DAB1: variants seen among roughly 807,000 people sequenced by gnomAD.
DAB1 encodes the protein disabled homolog 1.
A neutral mutation model predicts 64.6 loss-of-function variants in DAB1; 15 were observed. That is an observed-to-expected ratio of 0.23 (90% confidence interval 0.16 to 0.36). The LOEUF (loss-of-function observed/expected upper bound fraction) is 0.36, where lower values mean the gene tolerates loss of function less well. Ranked by LOEUF, DAB1 falls within the 10% of genes least tolerant of loss-of-function variation. DAB1 has a pLI of 1.00. For synonymous variants in DAB1, 235 were observed against 251.9 expected, an observed-to-expected ratio of 0.93 and a Z score of 0.64; for missense variants, 596 against 706.7, an observed-to-expected ratio of 0.84 and a Z score of 1.78.
At chr1:57,216,143 G>A (rs1055085598) in intron 2 of DAB1, among the ~76,000 whole-genome samples, 1 of 151,910 alleles carries the variant, frequency 6.6e-6, no homozygotes, top group African/African-American at 2.4e-5. Context: ...ACAAATCATG[G>A]CCTTTAAAAA....
chr1:57,036,428 T>A (rs1046621476), intron 9 of DAB1, among the ~76,000 whole-genome samples: 3 of 152,158 alleles, frequency 2.0e-5, no homozygotes, highest in Non-Finnish European at 4.4e-5. Context: ...AGCTACCTGT[T>A]TGGGGCAACC....
At position 57,739,754 on chromosome 1, in the gene DAB1, C is replaced by T. The variant is rs113321933; in HGVS notation, n.552-90089G>A. On this transcript the variant is annotated intron_variant and non_coding_transcript_variant, in intron 6 of 20. Transcript: ENST00000485760. The stretch of plus-strand genomic sequence containing the variant: ...AGAGGTGAGCCACCACACCCACCTA[C>T]TTAACAGTTTTTCAAATGACACAAT... Among the ~76,000 whole-genome samples, 789 of 151,580 alleles carry T rather than the reference C, an allele frequency of 5.2e-3. 9 individuals are homozygous for T. The highest frequency in any genetic ancestry group is 0.018 in the African/African-American group (751 of 41,340).
At chr1:57,478,651 G>T (rs1224867089) in intron 7 of DAB1, among the ~76,000 whole-genome samples, 1 of 129,264 alleles carries the variant, frequency 7.7e-6, no homozygotes, top group Non-Finnish European at 1.6e-5. Flanking sequence ...GAGGTGCAAT[G>T]GCATGATCTC....
chr1:58,376,337 C>T (rs1644325660), intron 3 of DAB1, among the ~76,000 whole-genome samples: 1 of 138,860 alleles, frequency 7.2e-6, no homozygotes, highest in Non-Finnish European at 1.6e-5. Flanking sequence ...TTTCCCTCTA[C>T]ACACTGCTTT....
rs558788149 is a variant in DAB1 at position 58,383,618 on chromosome 1, A to C, written n.258-40215T>G. ...TTCAGTACAGTATCTGACACATGAC[A>C]CTCAATAATATAGTTGTTGCTATTA... On this transcript the variant is annotated intron_variant and non_coding_transcript_variant, in intron 3 of 20. Coordinates refer to the DAB1 transcript ENST00000485760. 7.9e-3 allele frequency among the ~76,000 whole-genome samples: 108 copies of C among 13,626 alleles called. 1 individual carries two copies. In the Middle Eastern group the frequency reaches 0.21, roughly 26 times the overall value. 8.9% of individuals were successfully genotyped at this position (13,626 alleles called of 152,430 possible).
intron 7 of DAB1, among the ~76,000 whole-genome samples, chr1:57,485,705 T>A (rs1415845348): frequency 6.6e-6 from 1 of 152,166 alleles, no homozygotes; most frequent in Non-Finnish European, 1.5e-5. Flanking sequence ...AAATGCTAAC[T>A]TCAAACCCAG....
At chr1:58,477,418 G>A (rs1038729885) in intron 3 of DAB1, among the ~76,000 whole-genome samples, 11 of 152,000 alleles carry the variant, frequency 7.2e-5, no homozygotes, top group Non-Finnish European at 1.3e-4. Context: ...TTCTAGTTCT[G>A]CCACTTACTT....
At chr1:57,922,340 T>C (rs1289104314) in intron 5 of DAB1, among the ~76,000 whole-genome samples, 1 of 150,250 alleles carries the variant, frequency 6.7e-6, no homozygotes, top group Non-Finnish European at 1.5e-5. Flanking sequence ...AAATGAAGGA[T>C]GTGTAGAAGA....
chr1:58,405,956 C>G (rs1644612811), intron 3 of DAB1, among the ~76,000 whole-genome samples: 1 of 152,168 alleles, frequency 6.6e-6, no homozygotes, highest in South Asian at 2.1e-4. Flanking sequence ...CATCCCTGAA[C>G]CAGAGCCTCA....
intron 7 of DAB1, among the ~76,000 whole-genome samples, chr1:57,619,043 G>A (rs12090770): frequency 0.013 from 2,011 of 152,312 alleles, 41 homozygotes; most frequent in African/African-American, 0.046. Context: ...AGTATGTTAC[G>A]TAGGTGTTTC....
intron 2 of DAB1, among the ~76,000 whole-genome samples, chr1:57,266,548 C>T (rs1240370606): frequency 6.6e-6 from 1 of 152,154 alleles, no homozygotes; most frequent in East Asian, 1.9e-4. Context: ...TCCTTTAATC[C>T]CTGGCAAATA....
intron 5 of DAB1, among the ~76,000 whole-genome samples, chr1:58,142,620 A>G (rs1052329676): frequency 6.6e-6 from 1 of 152,258 alleles, no homozygotes; most frequent in African/African-American, 2.4e-5. Flanking sequence ...GCCCTGGGCC[A>G]GGGAAGAAAA....
At chr1:57,221,128 T>C (rs1427442077) in intron 2 of DAB1, among the ~76,000 whole-genome samples, 1 of 151,946 alleles carries the variant, frequency 6.6e-6, no homozygotes. Flanking sequence ...ACCATCACTC[T>C]CAGCAAACTA....
intron 7 of DAB1, among the ~76,000 whole-genome samples, chr1:57,579,998 G>T (rs1005598397): frequency 6.6e-6 from 1 of 152,122 alleles, no homozygotes; most frequent in Non-Finnish European, 1.5e-5. Flanking sequence ...CTTCATTGTG[G>T]TTTCTGAGGT....
intron 4 of DAB1, among the ~76,000 whole-genome samples, chr1:58,218,061 C>A (rs1658949495): frequency 2.6e-5 from 4 of 151,902 alleles, no homozygotes; most frequent in African/African-American, 7.3e-5. Flanking sequence ...ATATAACCAC[C>A]TACACTGTGC....
chr1:57,885,641 A>G (rs1644210779), upstream of DAB1, among the ~76,000 whole-genome samples: 1 of 152,092 alleles, frequency 6.6e-6, no homozygotes, highest in Non-Finnish European at 1.5e-5. Context: ...CTTTTTTTCC[A>G]CCCCTTTCAC....
chr1:57,137,139 A>G (rs549085995), intron 3 of DAB1, among the ~76,000 whole-genome samples: 1 of 152,236 alleles, frequency 6.6e-6, no homozygotes, highest in African/African-American at 2.4e-5. Context: ...ATTTTGCTGG[A>G]AAAAAATGTG....
At chr1:58,389,887 G>C (rs968751464) in intron 3 of DAB1, among the ~76,000 whole-genome samples, 3 of 152,096 alleles carry the variant, frequency 2.0e-5, no homozygotes, top group African/African-American at 4.8e-5. Context: ...GTCAAAACCA[G>C]CCTAGAAGCA....
intron 1 of DAB1, among the ~76,000 whole-genome samples, chr1:57,852,419 G>T (rs925223425): frequency 6.6e-6 from 1 of 152,208 alleles, no homozygotes; most frequent in Middle Eastern, 3.4e-3. Flanking sequence ...TATTTCCACA[G>T]CTCCACATAT....
Sources: allele counts gnomAD v4.1 joint callset (sites outside exome capture counted in the v4.1 genomes callset), GRCh38; gene constraint gnomAD v4.1.1; transcripts MANE v1.5; gene names NCBI Gene and HGNC (gene_info 2026-07-23, HGNC 2026-07-21).